The following NELL2 variants were observed in gnomAD, a reference collection of about 807,000 sequenced individuals.
NELL2 encodes the protein protein kinase C-binding protein NELL2.
NELL2 carries 41 observed loss-of-function variants against 109.6 expected under a neutral mutation model. The ratio of observed to expected loss-of-function variants is 0.37; its 90% CI spans 0.29 to 0.49. NELL2 has a LOEUF of 0.49. Among genes scored for constraint, NELL2 ranks in the 20% least tolerant of loss-of-function variants. The pLI is 0.98. For missense variants in NELL2, 900 were observed against 1,008.3 expected, an observed-to-expected ratio of 0.89 and a Z score of 1.45; for synonymous variants, 355 against 344.7, an observed-to-expected ratio of 1.03 and a Z score of -0.33.
chr12:44,740,356 G>A (rs769966472), intron 9 of NELL2, among the ~76,000 whole-genome samples: 3 of 152,120 alleles, frequency 2.0e-5, no homozygotes, highest in Non-Finnish European at 4.4e-5. Flanking sequence ...ACAGAGGAGG[G>A]CAGAAAAAAG....
At chr12:44,522,250 C>G in intron 17 of NELL2, 74 bp from the exon 18 acceptor site, 1 of 1,246,430 alleles carries the variant, frequency 8.0e-7, no homozygotes, top group Non-Finnish European at 1.1e-6. Context: ...CACACGCACA[C>G]ACATTTCAGA....
chr12:44,587,677 C>G (rs911295753), intron 15 of NELL2, among the ~76,000 whole-genome samples: 20 of 151,948 alleles, frequency 1.3e-4, no homozygotes, highest in Non-Finnish European at 2.5e-4. Context: ...TAAACAGCTA[C>G]GTTTATTTTA....
chr12:44,885,399 T>C (rs1204715104), intron 1 of NELL2, among the ~76,000 whole-genome samples: 1 of 151,982 alleles, frequency 6.6e-6, no homozygotes, highest in East Asian at 1.9e-4. Context: ...CCAAAGCATA[T>C]GTGAGAAAGC....
intron 3 of NELL2, among the ~76,000 whole-genome samples, chr12:44,790,316 T>C (rs1279383772): frequency 6.6e-6 from 1 of 152,200 alleles, no homozygotes; most frequent in Non-Finnish European, 1.5e-5. Context: ...ATTGGGACCC[T>C]ATCTTCAGCC....
chr12:44,668,700 AC>A (rs1948030370), intron 12 of NELL2, among the ~76,000 whole-genome samples: 1 of 151,954 alleles, frequency 6.6e-6, no homozygotes, highest in African/African-American at 2.4e-5. Context: ...GGACAGGCCT[AC>A]CCCACCCACC....
chr12:44,784,507 G>A (rs1297908560), intron 3 of NELL2, among the ~76,000 whole-genome samples: 1 of 152,018 alleles, frequency 6.6e-6, no homozygotes, highest in African/African-American at 2.4e-5. Flanking sequence ...AGGAAAAGAA[G>A]GACTCCTCCC....
At chr12:44,580,550 C>T (rs1476208391) in intron 15 of NELL2, among the ~76,000 whole-genome samples, 5 of 151,970 alleles carry the variant, frequency 3.3e-5, no homozygotes, top group African/African-American at 1.2e-4. Context: ...AAGCCCATCT[C>T]TAATAAAAAT....
At chr12:44,523,679 T>G (rs1412895189) in intron 16 of NELL2, 195 bp from the exon 17 acceptor site, 1 of 573,050 alleles carries the variant, frequency 1.7e-6, no homozygotes, top group Admixed American at 3.3e-5. Context: ...AATATTATCA[T>G]GTTTGATTTA....
intron 2 of NELL2, among the ~76,000 whole-genome samples, chr12:44,844,474 G>T (rs991063818): frequency 6.6e-6 from 1 of 152,162 alleles, no homozygotes; most frequent in Non-Finnish European, 1.5e-5. Flanking sequence ...TTTAGACAAA[G>T]CACTACAACA....
chr12:44,655,431 A>G (rs1035013773), intron 13 of NELL2, among the ~76,000 whole-genome samples: 2 of 152,176 alleles, frequency 1.3e-5, no homozygotes, highest in Non-Finnish European at 2.9e-5. Context: ...ACTCCTTTCC[A>G]AGCTTTTCAT....
chr12:44,692,617 A>C (rs1423596273), intron 12 of NELL2, among the ~76,000 whole-genome samples: 1 of 152,206 alleles, frequency 6.6e-6, no homozygotes, highest in East Asian at 1.9e-4. Flanking sequence ...TCACCATTCT[A>C]GATGACAGTA....
At chr12:44,812,783 C>A (rs1295046410) in intron 3 of NELL2, among the ~76,000 whole-genome samples, 3 of 152,126 alleles carry the variant, frequency 2.0e-5, no homozygotes, top group Admixed American at 6.6e-5. Flanking sequence ...GGTTTGGGTT[C>A]TGGCTCTGTC....
At chr12:44,857,992 T>G (rs79762106) in intron 2 of NELL2, among the ~76,000 whole-genome samples, 2,799 of 152,216 alleles carry the variant, frequency 0.018, 47 homozygotes, top group East Asian at 0.048. Flanking sequence ...CTACACAAAA[T>G]CTAGCATTTC....
intron 9 of NELL2, among the ~76,000 whole-genome samples, chr12:44,728,412 A>G (rs773551056): frequency 6.6e-5 from 10 of 152,162 alleles, no homozygotes; most frequent in Non-Finnish European, 1.3e-4. Flanking sequence ...ACTCAAAGAC[A>G]GTGCATCTGA....
At chr12:44,864,135 CAA>C (rs1281067424) in intron 2 of NELL2, among the ~76,000 whole-genome samples, 1 of 151,978 alleles carries the variant, frequency 6.6e-6, no homozygotes. Context: ...AGGAAGACAA[CAA>C]GAGAGGAAGA....
At chr12:44,803,237 G>GGAA (rs61001758) in intron 3 of NELL2, among the ~76,000 whole-genome samples, 1 of 151,586 alleles carries the variant, frequency 6.6e-6, no homozygotes, top group African/African-American at 2.4e-5. Flanking sequence ...CCAGATTGAA[G>GGAA]ATGCTGGTAA....
intron 4 of NELL2, 29 bp downstream of exon 4, chr12:44,779,820 A>G (rs752197715): frequency 6.2e-7 from 1 of 1,613,606 alleles, no homozygotes; most frequent in Non-Finnish European, 8.5e-7. Context: ...AGAATCTTCC[A>G]TTTCCTAAAA....
intron 16 of NELL2, among the ~76,000 whole-genome samples, chr12:44,529,625 G>A (rs1565879072): frequency 6.6e-6 from 1 of 152,216 alleles, no homozygotes; most frequent in Non-Finnish European, 1.5e-5. Flanking sequence ...AAAACCAGGA[G>A]AGAGTGGGGT....
intron 3 of NELL2, among the ~76,000 whole-genome samples, chr12:44,799,442 G>GA (rs1439493510): frequency 6.6e-6 from 1 of 151,874 alleles, no homozygotes; most frequent in Admixed American, 6.6e-5. Context: ...AATGATATTT[G>GA]AAAAAAATAA....
Sources: allele counts gnomAD v4.1 joint callset (sites outside exome capture counted in the v4.1 genomes callset), GRCh38; gene constraint gnomAD v4.1.1; transcripts MANE v1.5; gene names NCBI Gene and HGNC (gene_info 2026-07-23, HGNC 2026-07-21).